The following RALYL variants were observed in gnomAD, a reference collection of about 807,000 sequenced individuals.
RALYL encodes RNA-binding Raly-like protein.
In RALYL, 29 loss-of-function variants were observed where a neutral mutation model predicts 35.1. The ratio of observed to expected loss-of-function variants is 0.83; its 90% CI spans 0.61 to 1.13. The LOEUF (loss-of-function observed/expected upper bound fraction) is 1.13. Ranked by LOEUF, RALYL falls within the 50% of genes most tolerant of loss-of-function variation. The pLI is 0.00. For missense variants in RALYL, 359 were observed against 360.4 expected, an observed-to-expected ratio of 1.00 and a Z score of 0.03; for synonymous variants, 120 against 127.6, an observed-to-expected ratio of 0.94 and a Z score of 0.40.
At chr8:84,829,724 A>G (rs1471254588) in intron 4 of RALYL, among the ~76,000 whole-genome samples, 4 of 152,342 alleles carry the variant, frequency 2.6e-5, no homozygotes, top group Admixed American at 2.0e-4. Flanking sequence ...CTGTAAAGTC[A>G]CAGCGAACAC....
Position 84,590,144 on chromosome 8 carries a change from G to A in RALYL, c.256+60567G>A, listed in dbSNP as rs527877151. ...ATCATACTCCTAAAAATAGCAAAAGGAAATATCACAGGAATATGAAATCTG... is the reference window on the plus strand; with the variant it reads ...ATCATACTCCTAAAAATAGCAAAAGAAAATATCACAGGAATATGAAATCTG... On this transcript the variant is annotated intron_variant, in intron 2 of 8. Coordinates refer to ENST00000521268, the MANE Select transcript of RALYL (RefSeq NM_173848.7). 9.2e-5 allele frequency among the ~76,000 whole-genome samples: 14 copies of A among 152,192 alleles called. No individual in the cohort carries two copies. In the South Asian group the frequency reaches 2.5e-3, roughly 27 times the overall value.
chr8:84,412,402 C>A lies in RALYL; in HGVS notation c.-23-116897C>A, dbSNP rs954645122. On this transcript the variant is annotated intron_variant, in intron 1 of 8. Transcript: ENST00000521268. The stretch of plus-strand genomic sequence containing the variant: ...GCCAAAGTGTTATCTATGTTCTTTA[C>A]GTGAAAGTTCACTTAGATTCTCTTT... 2.6e-5 allele frequency among the ~76,000 whole-genome samples: 4 copies of A among 151,796 alleles called. No homozygotes were observed. In the South Asian group the frequency reaches 8.3e-4, roughly 31 times the overall value.
At chr8:84,676,042 TG>T (rs1416150543) in intron 2 of RALYL, among the ~76,000 whole-genome samples, 1 of 152,202 alleles carries the variant, frequency 6.6e-6, no homozygotes, top group African/African-American at 2.4e-5. Context: ...ATCATTACAC[TG>T]TATATCTCGA....
intron 2 of RALYL, among the ~76,000 whole-genome samples, chr8:84,716,893 A>G (rs553147053): frequency 2.6e-5 from 4 of 152,302 alleles, no homozygotes; most frequent in African/African-American, 9.6e-5. Context: ...GTTAATAACC[A>G]AGCACAGGAA....
At chr8:84,238,452 C>T (rs1383241629) in intron 1 of RALYL, among the ~76,000 whole-genome samples, 3 of 151,898 alleles carry the variant, frequency 2.0e-5, no homozygotes, top group African/African-American at 7.3e-5. Context: ...TTCATGATGC[C>T]ACATGCATCC....
intron 2 of RALYL, among the ~76,000 whole-genome samples, chr8:84,765,440 T>C (rs532542751): frequency 1.3e-5 from 2 of 152,230 alleles, no homozygotes; most frequent in South Asian, 4.1e-4. Context: ...GCACGTGGGC[T>C]TTGCTCAATA....
At chr8:84,914,950 C>T (rs1039538606) in intron 8 of RALYL, among the ~76,000 whole-genome samples, 9 of 151,968 alleles carry the variant, frequency 5.9e-5, no homozygotes, top group African/African-American at 1.2e-4. Context: ...CGCTTCTTCC[C>T]GCAATTGGTC....
chr8:84,388,673 C>A (rs907053076), intron 1 of RALYL, among the ~76,000 whole-genome samples: 2 of 152,102 alleles, frequency 1.3e-5, no homozygotes, highest in African/African-American at 4.8e-5. Flanking sequence ...CCTTCGCCCA[C>A]TTTTTGATGG....
intron 1 of RALYL, among the ~76,000 whole-genome samples, chr8:84,504,545 T>G (rs1243547382): frequency 6.6e-6 from 1 of 152,174 alleles, no homozygotes; most frequent in African/African-American, 2.4e-5. Context: ...TTAATTCTGC[T>G]GGCAAAAATC....
intron 1 of RALYL, among the ~76,000 whole-genome samples, chr8:84,525,817 A>AT (rs535744674): frequency 1.0e-3 from 159 of 151,958 alleles, no homozygotes; most frequent in South Asian, 5.4e-3. Context: ...CATTTGATTC[A>AT]TTTTTTAACA....
intron 1 of RALYL, among the ~76,000 whole-genome samples, chr8:84,482,423 A>G (rs1409568194): frequency 6.6e-6 from 1 of 152,102 alleles, no homozygotes; most frequent in African/African-American, 2.4e-5. Context: ...TGCTTAAATA[A>G]TAGCTTTCTG....
At chr8:84,462,252 T>A (rs2133407553) in intron 1 of RALYL, among the ~76,000 whole-genome samples, 1 of 151,846 alleles carries the variant, frequency 6.6e-6, no homozygotes, top group Admixed American at 6.6e-5. Context: ...TTTGATGAGA[T>A]GTTCTTCAGA....
intron 1 of RALYL, among the ~76,000 whole-genome samples, chr8:84,250,253 T>G (rs571440296): frequency 6.6e-6 from 1 of 152,298 alleles, no homozygotes; most frequent in East Asian, 1.9e-4. Context: ...AATGAGCAAC[T>G]GAGCAGATGG....
chr8:84,621,429 G>A (rs530368072), intron 2 of RALYL, among the ~76,000 whole-genome samples: 2 of 152,272 alleles, frequency 1.3e-5, no homozygotes, highest in Admixed American at 6.5e-5. Flanking sequence ...CTTCCGGAGT[G>A]AGGCAATGCC....
intron 1 of RALYL, among the ~76,000 whole-genome samples, chr8:84,370,380 C>A (rs546541135): frequency 6.6e-6 from 1 of 151,610 alleles, no homozygotes; most frequent in African/African-American, 2.4e-5. Flanking sequence ...TTAATTTTAA[C>A]GTAAATGAAA....
intron 1 of RALYL, among the ~76,000 whole-genome samples, chr8:84,508,661 A>T (rs1564057437): frequency 6.6e-6 from 1 of 151,950 alleles, no homozygotes; most frequent in East Asian, 1.9e-4. Flanking sequence ...ACATATATAT[A>T]TTTTTTTAAA....
At chr8:84,479,563 G>T (rs528929493) in intron 1 of RALYL, among the ~76,000 whole-genome samples, 12 of 152,232 alleles carry the variant, frequency 7.9e-5, no homozygotes, top group African/African-American at 2.6e-4. Flanking sequence ...ACTTTAAAAT[G>T]ATCAATTGAT....
At position 84,184,155 on chromosome 8, in the gene RALYL, G is replaced by A. The variant is rs1290667265; in HGVS notation, c.-293G>A. On this transcript the variant is annotated 5_prime_UTR_variant, in exon 1 of 9. Coordinates refer to ENST00000521268, the MANE Select transcript of RALYL (RefSeq NM_173848.7). Reference sequence around the variant, plus strand: ...AACTTTTCTTACAGCTGGTGATTGGGATCATTTTTAAGCAAAATACTTTTT... The same window carrying A: ...AACTTTTCTTACAGCTGGTGATTGGAATCATTTTTAAGCAAAATACTTTTT... The A allele has an allele frequency of 6.6e-6, 1 of 151,892 alleles. No homozygotes were observed. The highest frequency in any genetic ancestry group is 2.4e-5 in the African/African-American group (1 of 41,332). The allele number at this position is 151,892 out of a possible 1,614,324, so 9.4% of individuals were successfully genotyped here. A position where few individuals can be genotyped will look rare whatever the true frequency, so the allele number is the denominator to read the frequency against.
rs182953232 is a variant in RALYL, at chr8:84,186,809, A to G, written c.-24+2385A>G. 2.6e-4 allele frequency among the ~76,000 whole-genome samples: 40 copies of G among 152,218 alleles called. No individual in the cohort carries two copies. In the Middle Eastern group the frequency reaches 0.01, roughly 39 times the overall value. ...CTTGTATTACATTTCTATCTATTAC[A>G]TTCAAATTTTTCAGATTTCTTCCTG... On this transcript the variant is annotated intron_variant, in intron 1 of 8. Coordinates refer to ENST00000521268, the MANE Select transcript of RALYL (RefSeq NM_173848.7).
Sources: allele counts gnomAD v4.1 joint callset (sites outside exome capture counted in the v4.1 genomes callset), GRCh38; gene constraint gnomAD v4.1.1; transcripts MANE v1.5; gene names NCBI Gene and HGNC (gene_info 2026-07-23, HGNC 2026-07-21).